The following NUDT13 variants were observed in gnomAD, a reference collection of about 807,000 sequenced individuals.
The protein encoded by NUDT13 is nudix hydrolase 13, also known as NAD(P)H pyrophosphatase NUDT13, mitochondrial.
A neutral mutation model predicts 41.7 loss-of-function variants in NUDT13; 40 were observed. That is an observed-to-expected ratio of 0.96 (90% CI 0.75 to 1.25). NUDT13 has a LOEUF of 1.25. NUDT13 is among the 50% of genes most tolerant of loss of function. NUDT13 has a pLI of 0.00. For synonymous variants in NUDT13, 145 were observed against 155.5 expected, an observed-to-expected ratio of 0.93 and a Z score of 0.50; for missense variants, 390 against 416.1, an observed-to-expected ratio of 0.94 and a Z score of 0.55.
intron 1 of NUDT13, among the ~76,000 whole-genome samples, chr10:73,111,571 A>G (rs1842368690): frequency 6.6e-6 from 1 of 152,192 alleles, no homozygotes; most frequent in Non-Finnish European, 1.5e-5. Flanking sequence ...TTAATGTTAA[A>G]GCACCTTGCC....
chr10:73,119,682 C>T (rs1223136387), intron 2 of NUDT13, among the ~76,000 whole-genome samples: 3 of 152,076 alleles, frequency 2.0e-5, no homozygotes, highest in Non-Finnish European at 4.4e-5. Context: ...TTTATTGAAT[C>T]GAGCCATTCA....
rs56229464 is a variant in NUDT13, at chr10:73,116,876, A to ATTTTTTTTTTTTTTTTTTTTTTTTTT, written c.83+2431_83+2456dup. Among the ~76,000 whole-genome samples the ATTTTTTTTTTTTTTTTTTTTTTTTTT allele has an allele frequency of 1.1e-4, 9 of 81,868 alleles. 2 individuals are homozygous for ATTTTTTTTTTTTTTTTTTTTTTTTTT. The highest frequency in any genetic ancestry group is 4.4e-4 in the African/African-American group (9 of 20,458). The allele number at this position is 81,868 out of a possible 152,430, so 53.7% of individuals were successfully genotyped here. On this transcript the variant is annotated intron_variant, in intron 2 of 8. Transcript: ENST00000357321. ...TGTACTCCTTTAACAGACTACAAGA[A>ATTTTTTTTTTTTTTTTTTTTTTTTTT]TTTTTTTTTTTTTTTTTTTTTTTTT...
rs1318585153 is a variant in NUDT13, at chr10:73,130,787, T to TATA, written c.944_946dup (p.Tyr315_Thr316insAsn). 4.3e-6 allele frequency: 7 copies of TATA among 1,613,784 alleles called. No homozygotes were observed. Among genetic ancestry groups the TATA allele is most frequent in the Non-Finnish European group, 5.9e-6 (7 of 1,179,916 alleles). On this transcript the variant is annotated inframe_insertion, in exon 9 of 9. Coordinates refer to ENST00000357321, the MANE Select transcript of NUDT13 (RefSeq NM_015901.6). ...CACAGCCCTGAAGAGAAAGGGCCCC[T>TATA]ATACTCAGCAACAGAATGGGACTTT...
intron 1 of NUDT13, among the ~76,000 whole-genome samples, chr10:73,112,770 A>G (rs1842400553): frequency 6.6e-6 from 1 of 151,934 alleles, no homozygotes; most frequent in Non-Finnish European, 1.5e-5. Flanking sequence ...GTACACTTTG[A>G]CTAGTATCAC....
In NUDT13 at chr10:73,125,462, C is replaced by T. The variant is rs1286367724; in HGVS notation, c.656C>T (p.Ser219Phe). Residue 219 changes from serine to phenylalanine, a missense_variant, in exon 7 of 9, where the codon TCC becomes TTC. By Grantham distance (155) the Ser-to-Phe change is radical. Transcript: ENST00000357321. Reference sequence around the variant, plus strand: ...CGATGCCTGCTTGCCCGCCAAAGCTCCTTTCCCAAGGGAATGTATTCTGCC... The same window carrying T: ...CGATGCCTGCTTGCCCGCCAAAGCTTCTTTCCCAAGGGAATGTATTCTGCC... ...GTRCLLARQS[S>F]FPKGMYSALA... 2 of 1,612,070 alleles carry T rather than the reference C, an allele frequency of 1.2e-6. No individual in the cohort carries two copies. The highest frequency in any genetic ancestry group is 1.1e-5 in the South Asian group (1 of 90,688).
At chr10:73,128,439 T>C (rs1165002062) in intron 8 of NUDT13, among the ~76,000 whole-genome samples, 3 of 152,208 alleles carry the variant, frequency 2.0e-5, no homozygotes, top group Non-Finnish European at 2.9e-5. Context: ...GAGTTAATAG[T>C]AGCCATCAAA....
intron 2 of NUDT13, among the ~76,000 whole-genome samples, chr10:73,117,503 G>A (rs1227053081): frequency 6.7e-6 from 1 of 149,162 alleles, no homozygotes; most frequent in Non-Finnish European, 1.5e-5. Flanking sequence ...GTTACAGTGA[G>A]CCAAGATCGT....
intron 2 of NUDT13, among the ~76,000 whole-genome samples, chr10:73,116,875 A>ATTTT (rs1842525989): frequency 4.0e-5 from 5 of 123,904 alleles, no homozygotes; most frequent in Non-Finnish European, 6.6e-5. Context: ...AGACTACAAG[A>ATTTT]ATTTTTTTTT....
intron 1 of NUDT13, among the ~76,000 whole-genome samples, chr10:73,111,235 C>T (rs927220369): frequency 6.6e-6 from 1 of 152,114 alleles, no homozygotes; most frequent in African/African-American, 2.4e-5. Context: ...ACCTCGGCCT[C>T]CCAAAGTGCT....
intron 2 of NUDT13, among the ~76,000 whole-genome samples, chr10:73,114,667 TAC>T (rs755275160): frequency 1.3e-5 from 2 of 151,618 alleles, no homozygotes; most frequent in Non-Finnish European, 2.9e-5. Context: ...TGGCCCTTAT[TAC>T]AGTCTTTTGT....
intron 1 of NUDT13, among the ~76,000 whole-genome samples, chr10:73,113,789 T>G (rs778158375): frequency 1.3e-5 from 2 of 152,230 alleles, no homozygotes; most frequent in Non-Finnish European, 2.9e-5. Flanking sequence ...TCCTCGGTCA[T>G]TTAGTGTCAA....
intron 2 of NUDT13, chr10:73,114,817 G>A (rs1415690334): frequency 6.5e-6 from 1 of 152,808 alleles, no homozygotes; most frequent in Non-Finnish European, 1.5e-5. Context: ...TTCCAGAGAG[G>A]GTTGTGCCCC....
At chr10:73,121,132 G>C (rs1182760145) in intron 3 of NUDT13, among the ~76,000 whole-genome samples, 1 of 152,110 alleles carries the variant, frequency 6.6e-6, no homozygotes, top group Non-Finnish European at 1.5e-5. Flanking sequence ...CCAGCACTTT[G>C]GGAGGCTGAG....
chr10:73,126,525 A>G, intron 7 of NUDT13, 148 bp from the exon 8 acceptor site: 1 of 794,580 alleles, frequency 1.3e-6, no homozygotes, highest in Non-Finnish European at 1.9e-6. Context: ...CCTGATTCTT[A>G]TTGTTGGAAT....
chr10:73,119,946 A>G (rs544362402), intron 2 of NUDT13, 72 bp from the exon 3 acceptor site: 4 of 1,442,602 alleles, frequency 2.8e-6, no homozygotes, highest in Non-Finnish European at 3.9e-6. Context: ...CAGCGACAGC[A>G]TTCTCAAAGA....
intron 8 of NUDT13, 108 bp downstream of exon 8, chr10:73,126,935 C>A: frequency 1.0e-6 from 1 of 963,820 alleles, no homozygotes; most frequent in Non-Finnish European, 1.6e-6. Flanking sequence ...ATCTAGATTA[C>A]ATAAACATGT....
chr10:73,127,105 G>T (rs1420398164), intron 8 of NUDT13, among the ~76,000 whole-genome samples: 1 of 152,078 alleles, frequency 6.6e-6, no homozygotes, highest in Non-Finnish European at 1.5e-5. Flanking sequence ...TTAAGGCCGG[G>T]TGCGATGGCT....
chr10:73,122,775 T>G, intron 4 of NUDT13, among the ~76,000 whole-genome samples: 1 of 149,286 alleles, frequency 6.7e-6, no homozygotes, highest in East Asian at 2.0e-4. Context: ...GAGATGGGGG[T>G]CTCCTTATGT....
intron 8 of NUDT13, among the ~76,000 whole-genome samples, chr10:73,129,820 A>G (rs1160319020): frequency 6.6e-6 from 1 of 151,922 alleles, no homozygotes; most frequent in Non-Finnish European, 1.5e-5. Context: ...TCTACTAAAA[A>G]TACAAAGAAA....
Sources: allele counts gnomAD v4.1 joint callset (sites outside exome capture counted in the v4.1 genomes callset), GRCh38; gene constraint gnomAD v4.1.1; transcripts MANE v1.5; gene names NCBI Gene and HGNC (gene_info 2026-07-23, HGNC 2026-07-21).